CAST: variants seen among roughly 807,000 people sequenced by gnomAD.
The protein encoded by CAST is calpastatin.
CAST carries 76 observed loss-of-function variants against 119.6 expected under a neutral mutation model. That is an observed-to-expected ratio of 0.64 (90% CI 0.53 to 0.77). CAST has a LOEUF of 0.77. Among genes scored for constraint, CAST ranks in the 30% least tolerant of loss-of-function variants. CAST has a pLI of 0.00. For synonymous variants in CAST, 319 were observed against 331.6 expected, an observed-to-expected ratio of 0.96 and a Z score of 0.41; for missense variants, 953 against 946.5, an observed-to-expected ratio of 1.01 and a Z score of -0.09.
At chr5:96,266,759 A>T in the CAST span, among the ~76,000 whole-genome samples, 3 of 152,256 alleles carry the variant, frequency 2.0e-5, no homozygotes, top group Admixed American at 2.0e-4. Context: ...CAATGCAATG[A>T]TATAGATGTA....
intron 1 of CAST, among the ~76,000 whole-genome samples, chr5:96,622,115 A>G (rs2611715): frequency 0.84 from 127,046 of 151,328 alleles, 53,437 homozygotes; most frequent in East Asian, 0.95. Flanking sequence ...GATTACAGGC[A>G]CCCACCACCA....
chr5:96,147,804 T>A, the CAST span, among the ~76,000 whole-genome samples: 1 of 152,244 alleles, frequency 6.6e-6, no homozygotes, highest in Admixed American at 6.5e-5. Context: ...GCTGCCGTAG[T>A]CTAGATAGCC....
chr5:96,611,177 G>C (rs929570793), intron 1 of CAST, among the ~76,000 whole-genome samples: 9 of 152,078 alleles, frequency 5.9e-5, no homozygotes, highest in South Asian at 4.1e-4. Context: ...AACCAACAGA[G>C]TCATAATAAC....
chr5:96,667,990 G>A (rs963377044), intron 1 of CAST, among the ~76,000 whole-genome samples: 1 of 152,178 alleles, frequency 6.6e-6, no homozygotes, highest in Non-Finnish European at 1.5e-5. Context: ...ACTCCAGCCC[G>A]GGCGACAGAG....
the CAST span, among the ~76,000 whole-genome samples, chr5:96,218,833 A>G: frequency 6.6e-6 from 1 of 152,214 alleles, no homozygotes; most frequent in African/African-American, 2.4e-5. Context: ...CCGGGAGAAC[A>G]CACTGGGAGG....
chr5:96,524,483 G>T (rs1042895678), upstream of CAST, among the ~76,000 whole-genome samples: 2 of 152,196 alleles, frequency 1.3e-5, no homozygotes, highest in African/African-American at 4.8e-5. Flanking sequence ...AGGGAGTGGA[G>T]ACCAGGGCCA....
chr5:96,381,464 G>T, the CAST span, among the ~76,000 whole-genome samples: 2 of 152,162 alleles, frequency 1.3e-5, no homozygotes, highest in Admixed American at 1.3e-4. Flanking sequence ...AATTTTGCAT[G>T]TGAATATCAT....
the CAST span, among the ~76,000 whole-genome samples, chr5:96,278,176 C>T: frequency 1.3e-5 from 2 of 151,982 alleles, no homozygotes; most frequent in Non-Finnish European, 2.9e-5. Context: ...GAAGAAGAAG[C>T]CAAGCAAGTA....
At chr5:96,638,286 A>T (rs919929629) in intron 1 of CAST, among the ~76,000 whole-genome samples, 1 of 151,994 alleles carries the variant, frequency 6.6e-6, no homozygotes, top group Non-Finnish European at 1.5e-5. Flanking sequence ...CACGCCTGTA[A>T]TCCCAGCTAC....
intron 4 of CAST, among the ~76,000 whole-genome samples, chr5:96,724,186 CT>C (rs11454845): frequency 6.6e-6 from 1 of 151,144 alleles, no homozygotes; most frequent in Non-Finnish European, 1.5e-5. Flanking sequence ...AATTAAAAAT[CT>C]TTTTTTTTCC....
chr5:96,768,228 C>T (rs1184381974), intron 29 of CAST, among the ~76,000 whole-genome samples: 3 of 152,048 alleles, frequency 2.0e-5, no homozygotes, highest in African/African-American at 4.8e-5. Flanking sequence ...GGACTACAGG[C>T]GTGCACCACC....
chr5:96,038,763 G>A, the CAST span, among the ~76,000 whole-genome samples: 1 of 152,232 alleles, frequency 6.6e-6, no homozygotes, highest in African/African-American at 2.4e-5. Context: ...TCTTAATCCA[G>A]TCTATCATTG....
intron 1 of CAST, among the ~76,000 whole-genome samples, chr5:96,638,925 T>C (rs1747916072): frequency 6.6e-6 from 1 of 152,216 alleles, no homozygotes; most frequent in African/African-American, 2.4e-5. Flanking sequence ...CCTAAGGACA[T>C]TGTTTTCAAA....
At chr5:96,607,254 C>T (rs1344303604) in intron 1 of CAST, among the ~76,000 whole-genome samples, 4 of 152,178 alleles carry the variant, frequency 2.6e-5, no homozygotes, top group African/African-American at 4.8e-5. Context: ...CACCACTGCA[C>T]TCCAGCCTGG....
chr5:96,730,941 C>A, intron 9 of CAST, 81 bp downstream of exon 9: 1 of 1,090,890 alleles, frequency 9.2e-7, no homozygotes, highest in Non-Finnish European at 1.4e-6. Context: ...CTCAAATAAC[C>A]TATCATCTGG....
chr5:96,748,732 T>C, intron 19 of CAST, 119 bp downstream of exon 19: 1 of 554,386 alleles, frequency 1.8e-6, no homozygotes, highest in Non-Finnish European at 3.3e-6. Context: ...CCATCGTTTT[T>C]TCCATGTCAT....
chr5:96,297,509 G>GC, the CAST span, among the ~76,000 whole-genome samples: 1 of 152,110 alleles, frequency 6.6e-6, no homozygotes, highest in African/African-American at 2.4e-5. Flanking sequence ...CAACCTAGAT[G>GC]CTTGACATGA....
At chr5:96,284,926 G>T in the CAST span, among the ~76,000 whole-genome samples, 1 of 152,104 alleles carries the variant, frequency 6.6e-6, no homozygotes, top group Non-Finnish European at 1.5e-5. Context: ...CCCATAGTTT[G>T]GTTCCTCTGT....
the CAST span, among the ~76,000 whole-genome samples, chr5:96,326,363 C>T: frequency 6.6e-6 from 1 of 152,188 alleles, no homozygotes; most frequent in African/African-American, 2.4e-5. Flanking sequence ...TCATCCTAAA[C>T]TTTAGCGATG....
Sources: gnomAD v4.1 joint callset for allele counts (sites outside exome capture counted in the v4.1 genomes callset) on GRCh38, gnomAD v4.1.1 for gene constraint, MANE v1.5 for transcripts, NCBI Gene and HGNC (gene_info 2026-07-23, HGNC 2026-07-21) for gene names.